The following HS6ST3 variants were observed in gnomAD, a reference collection of about 807,000 sequenced individuals.
HS6ST3 encodes heparan sulfate 6-O-sulfotransferase 3.
Under a neutral mutation model 36.7 loss-of-function variants are expected in HS6ST3, and 12 were observed. The observed-to-expected ratio is 0.33, with a 90% confidence interval of 0.21 to 0.53. The LOEUF (loss-of-function observed/expected upper bound fraction) is 0.53, where lower values mean the gene tolerates loss of function less well. Among genes scored for constraint, HS6ST3 ranks in the 20% least tolerant of loss-of-function variants. The pLI is 0.95. For missense variants in HS6ST3, 584 were observed against 640.9 expected, an observed-to-expected ratio of 0.91 and a Z score of 0.96; for synonymous variants, 240 against 257.5, an observed-to-expected ratio of 0.93 and a Z score of 0.65.
chr13:96,144,974 A>G (rs919413646), intron 1 of HS6ST3, among the ~76,000 whole-genome samples: 5 of 151,530 alleles, frequency 3.3e-5, no homozygotes, highest in African/African-American at 1.2e-4. Flanking sequence ...AAAGGACATG[A>G]ACTCATCATT....
At chr13:96,161,221 A>C (rs1319159097) in intron 1 of HS6ST3, among the ~76,000 whole-genome samples, 1 of 152,172 alleles carries the variant, frequency 6.6e-6, no homozygotes, top group Non-Finnish European at 1.5e-5. Context: ...TAATGCATTA[A>C]GGCAGAAAGA....
intron 1 of HS6ST3, among the ~76,000 whole-genome samples, chr13:96,667,050 C>T (rs781749076): frequency 6.6e-6 from 1 of 152,146 alleles, no homozygotes; most frequent in East Asian, 1.9e-4. Context: ...AAACACCACA[C>T]GTCCCACTTG....
chr13:96,141,377 G>T (rs908209197), intron 1 of HS6ST3, among the ~76,000 whole-genome samples: 1 of 151,718 alleles, frequency 6.6e-6, no homozygotes, highest in African/African-American at 2.4e-5. Context: ...ACAGGGTCTT[G>T]CTCTGTTACC....
At chr13:96,735,506 A>G (rs1876261070) in intron 1 of HS6ST3, among the ~76,000 whole-genome samples, 1 of 152,200 alleles carries the variant, frequency 6.6e-6, no homozygotes, top group Non-Finnish European at 1.5e-5. Context: ...AAACTTGTTA[A>G]AAACATAGGA....
intron 1 of HS6ST3, among the ~76,000 whole-genome samples, chr13:96,693,555 G>A (rs1198552713): frequency 2.6e-5 from 4 of 152,070 alleles, no homozygotes; most frequent in African/African-American, 9.7e-5. Flanking sequence ...CACCTGTCTC[G>A]GCCTCCCAAA....
At position 96,600,960 on chromosome 13, in the gene HS6ST3, G is replaced by A. The variant is rs60829020; in HGVS notation, c.708-231530G>A. 8.6e-3 allele frequency among the ~76,000 whole-genome samples: 1,307 copies of A among 152,000 alleles called. 20 individuals are homozygous for A. The highest frequency in any genetic ancestry group is 0.029 in the African/African-American group (1,203 of 41,456). On this transcript the variant is annotated intron_variant, in intron 1 of 1. Transcript: ENST00000376705. Reference sequence around the variant, plus strand: ...GCCAGATTCAAAATTCTTGGCTGGCGGTTATTCTTTTTGAAGACACTAAAG... The same window carrying A: ...GCCAGATTCAAAATTCTTGGCTGGCAGTTATTCTTTTTGAAGACACTAAAG...
chr13:96,119,521 C>T (rs1259882137), intron 1 of HS6ST3, among the ~76,000 whole-genome samples: 1 of 151,900 alleles, frequency 6.6e-6, no homozygotes, highest in African/African-American at 2.4e-5. Context: ...CAAATTTGGG[C>T]GGATAATAGA....
intron 1 of HS6ST3, among the ~76,000 whole-genome samples, chr13:96,561,202 A>G (rs1040080261): frequency 3.9e-5 from 6 of 152,212 alleles, no homozygotes; most frequent in African/African-American, 1.2e-4. Flanking sequence ...GACAAATGGA[A>G]CAGAATAGAG....
chr13:96,339,501 C>T (rs547026526), intron 1 of HS6ST3, among the ~76,000 whole-genome samples: 1 of 152,280 alleles, frequency 6.6e-6, no homozygotes, highest in Admixed American at 6.5e-5. Context: ...TTGCCCAAGG[C>T]TATAGTTTCT....
chr13:96,226,055 A>T (rs934502406), intron 1 of HS6ST3, among the ~76,000 whole-genome samples: 5 of 152,136 alleles, frequency 3.3e-5, no homozygotes, highest in African/African-American at 1.2e-4. Context: ...TTCAGTGAAG[A>T]CACAACCTCA....
In HS6ST3 at chr13:96,833,423, G is replaced by A; in HGVS notation, c.*225G>A. 1.9e-6 allele frequency: 1 copy of A among 517,066 alleles called. No homozygotes were observed. Among genetic ancestry groups the A allele is most frequent in the Non-Finnish European group, 3.4e-6 (1 of 295,238 alleles). The allele number at this position is 517,066 out of a possible 1,614,324, so 32.0% of individuals were successfully genotyped here. On this transcript the variant is annotated 3_prime_UTR_variant, in exon 2 of 2. Transcript: ENST00000376705. ...ATTGGTGATATTAAGTAGGGTAGGA[G>A]TGCATCCCATATAGGCCATTTTAGA...
In HS6ST3 at chr13:96,835,637, A is replaced by G. The variant is rs1878910056; in HGVS notation, c.*2439A>G. 1 of 151,710 alleles carries G rather than the reference A, an allele frequency of 6.6e-6. No individual in the cohort carries two copies. The highest frequency in any genetic ancestry group is 2.4e-5 in the African/African-American group (1 of 41,364). 9.4% of individuals were successfully genotyped at this position (151,710 alleles called of 1,614,324 possible). A position where few individuals can be genotyped will look rare whatever the true frequency, so the allele number is the denominator to read the frequency against. On this transcript the variant is annotated 3_prime_UTR_variant, in exon 2 of 2. Transcript: ENST00000376705. ...CACACACACACACACACACACACAA[A>G]CAATCCAGTGTTTTGTCATGTGGAA...
chr13:96,375,735 A>G (rs903777099), intron 1 of HS6ST3, among the ~76,000 whole-genome samples: 1 of 152,334 alleles, frequency 6.6e-6, no homozygotes, highest in South Asian at 2.1e-4. Context: ...ACCTTGAATG[A>G]AAATGGAATG....
At chr13:96,355,503 A>G (rs932433793) in intron 1 of HS6ST3, among the ~76,000 whole-genome samples, 2 of 152,104 alleles carry the variant, frequency 1.3e-5, no homozygotes, top group African/African-American at 4.8e-5. Context: ...AGTCACATAA[A>G]TATTTGGTTT....
At position 96,789,108 on chromosome 13, in the gene HS6ST3, T is replaced by C. The variant is rs746841717; in HGVS notation, c.708-43382T>C. Among the ~76,000 whole-genome samples, 53 of 151,852 alleles carry C rather than the reference T, an allele frequency of 3.5e-4. 1 individual carries two copies. The highest frequency in any genetic ancestry group is 2.6e-4 in the Admixed American group (4 of 15,206). The stretch of plus-strand genomic sequence containing the variant: ...TTCTTTTCTTTCTTCATATCTGCTC[T>C]CTGCTAGATTACTTGAATATTTTTT... On this transcript the variant is annotated intron_variant, in intron 1 of 1. Coordinates refer to ENST00000376705, the MANE Select transcript of HS6ST3 (RefSeq NM_153456.4).
intron 1 of HS6ST3, among the ~76,000 whole-genome samples, chr13:96,758,838 T>G (rs1876896246): frequency 6.6e-6 from 1 of 152,028 alleles, no homozygotes; most frequent in Admixed American, 6.5e-5. Context: ...ACTGCTGTTG[T>G]TGGATGTAGC....
chr13:96,515,367 C>G (rs1168844133), intron 1 of HS6ST3, among the ~76,000 whole-genome samples: 1 of 152,222 alleles, frequency 6.6e-6, no homozygotes. Flanking sequence ...ACTCAGTTAG[C>G]AAGCTCCTTG....
chr13:96,509,865 TC>T (rs1364880465), intron 1 of HS6ST3, among the ~76,000 whole-genome samples: 8 of 152,168 alleles, frequency 5.3e-5, no homozygotes, highest in African/African-American at 1.9e-4. Context: ...GATTGTTTTT[TC>T]CAATTCTGTG....
At chr13:96,453,160 C>A (rs1234617107) in intron 1 of HS6ST3, among the ~76,000 whole-genome samples, 2 of 150,118 alleles carry the variant, frequency 1.3e-5, no homozygotes, top group Non-Finnish European at 3.0e-5. Context: ...AACCATTGCC[C>A]TGGAGGAAAA....
Sources: allele counts gnomAD v4.1 joint callset (sites outside exome capture counted in the v4.1 genomes callset), GRCh38; gene constraint gnomAD v4.1.1; transcripts MANE v1.5; gene names NCBI Gene and HGNC (gene_info 2026-07-23, HGNC 2026-07-21).